SUGCT: variants seen among roughly 807,000 people sequenced by gnomAD.
SUGCT encodes succinyl-CoA:glutarate CoA-transferase.
Under a neutral mutation model 55.0 loss-of-function variants are expected in SUGCT, and 41 were observed. The observed-to-expected ratio is 0.74, with a 90% CI of 0.58 to 0.97. The LOEUF (loss-of-function observed/expected upper bound fraction) is 0.97, where lower values mean the gene tolerates loss of function less well. SUGCT is among the 50% of genes least tolerant of loss of function. The probability of loss-of-function intolerance (pLI) is 0.00; values close to 1 mark genes in which losing one functional copy is unlikely to be tolerated. For synonymous variants in SUGCT, 187 were observed against 200.4 expected, an observed-to-expected ratio of 0.93 and a Z score of 0.56; for missense variants, 568 against 547.8, an observed-to-expected ratio of 1.04 and a Z score of -0.37.
At chr7:41,002,090 G>A in the SUGCT span, among the ~76,000 whole-genome samples, 6 of 152,080 alleles carry the variant, frequency 3.9e-5, no homozygotes, top group African/African-American at 1.4e-4. Flanking sequence ...GTATAATCTC[G>A]GCTCACTATA....
At chr7:40,561,751 G>A (rs1443866426) in intron 12 of SUGCT, among the ~76,000 whole-genome samples, 3 of 146,402 alleles carry the variant, frequency 2.0e-5, no homozygotes, top group Non-Finnish European at 3.0e-5. Flanking sequence ...GAGTGCAGTG[G>A]TATGATCCCA....
At chr7:40,183,654 G>A (rs1298061409) in intron 3 of SUGCT, among the ~76,000 whole-genome samples, 1 of 152,130 alleles carries the variant, frequency 6.6e-6, no homozygotes. Flanking sequence ...CCCAATAAAA[G>A]AAACATTTCC....
intron 8 of SUGCT, among the ~76,000 whole-genome samples, chr7:40,278,692 T>C (rs1385854730): frequency 1.3e-5 from 2 of 152,102 alleles, no homozygotes; most frequent in Non-Finnish European, 2.9e-5. Context: ...TTCTCCTTTT[T>C]TTCTCTCTCA....
chr7:40,344,822 G>C (rs1236046823), intron 9 of SUGCT, among the ~76,000 whole-genome samples: 3 of 151,954 alleles, frequency 2.0e-5, no homozygotes, highest in Non-Finnish European at 4.4e-5. Flanking sequence ...ACACATACTA[G>C]CATTTGATTG....
At chr7:40,943,271 A>G in the SUGCT span, among the ~76,000 whole-genome samples, 1 of 146,746 alleles carries the variant, frequency 6.8e-6, no homozygotes, top group Non-Finnish European at 1.5e-5. Context: ...ACTTTATTTT[A>G]TTATTATTAT....
the SUGCT span, among the ~76,000 whole-genome samples, chr7:40,898,904 T>A: frequency 6.6e-6 from 1 of 152,146 alleles, no homozygotes; most frequent in South Asian, 2.1e-4. Context: ...CCTAGGTACA[T>A]GAAGAAGCTG....
chr7:40,421,454 C>G (rs1001626984), intron 9 of SUGCT, among the ~76,000 whole-genome samples: 1 of 152,130 alleles, frequency 6.6e-6, no homozygotes, highest in African/African-American at 2.4e-5. Flanking sequence ...TTATCATAAT[C>G]CAAGCTCAGC....
chr7:40,164,489 C>G (rs1450166412), intron 1 of SUGCT, among the ~76,000 whole-genome samples: 1 of 151,590 alleles, frequency 6.6e-6, no homozygotes, highest in Non-Finnish European at 1.5e-5. Context: ...ATTTTTTTTT[C>G]TGTTTTTGTT....
chr7:40,827,944 A>C (rs1792425883), intron 13 of SUGCT, among the ~76,000 whole-genome samples: 1 of 152,112 alleles, frequency 6.6e-6, no homozygotes, highest in Non-Finnish European at 1.5e-5. Context: ...CAGAGTCTTG[A>C]AAACCAATCC....
chr7:40,429,162 C>T (rs1787758620), intron 9 of SUGCT, among the ~76,000 whole-genome samples: 1 of 151,742 alleles, frequency 6.6e-6, no homozygotes. Context: ...CTAAAATCTA[C>T]ACATTTAGCA....
chr7:41,011,376 G>A, the SUGCT span, among the ~76,000 whole-genome samples: 1 of 152,208 alleles, frequency 6.6e-6, no homozygotes, highest in African/African-American at 2.4e-5. Context: ...AGGGAAGTGA[G>A]AAGGTGGACA....
intron 7 of SUGCT, among the ~76,000 whole-genome samples, chr7:40,242,077 C>T (rs1789437530): frequency 6.6e-6 from 1 of 152,064 alleles, no homozygotes; most frequent in Admixed American, 6.6e-5. Flanking sequence ...TTTTGAATTC[C>T]TACACTATGC....
intron 8 of SUGCT, among the ~76,000 whole-genome samples, chr7:40,301,258 C>T (rs1293051890): frequency 6.6e-6 from 1 of 152,122 alleles, no homozygotes; most frequent in African/African-American, 2.4e-5. Flanking sequence ...TAAGTATTTG[C>T]TGAATGAAAA....
chr7:40,689,337 G>A (rs368189019), intron 12 of SUGCT, among the ~76,000 whole-genome samples: 1 of 152,124 alleles, frequency 6.6e-6, no homozygotes, highest in Admixed American at 6.5e-5. Context: ...TATCACAAAG[G>A]CAATCTTTTT....
chr7:40,969,549 G>C, the SUGCT span, among the ~76,000 whole-genome samples: 2 of 152,002 alleles, frequency 1.3e-5, no homozygotes, highest in African/African-American at 4.8e-5. Context: ...ACTGACGGGG[G>C]TCCCACTGTG....
intron 11 of SUGCT, among the ~76,000 whole-genome samples, chr7:40,488,550 T>C (rs1412894515): frequency 6.6e-6 from 1 of 152,230 alleles, no homozygotes; most frequent in Non-Finnish European, 1.5e-5. Flanking sequence ...AATTTGATTG[T>C]GTACTTACTT....
intron 13 of SUGCT, among the ~76,000 whole-genome samples, chr7:40,775,063 GTTA>G (rs1190666195): frequency 6.6e-6 from 1 of 152,164 alleles, no homozygotes; most frequent in African/African-American, 2.4e-5. Context: ...CAACTGTGGT[GTTA>G]TTGGGGTTTC....
At chr7:40,549,342 C>G (rs1477006188) in intron 12 of SUGCT, among the ~76,000 whole-genome samples, 3 of 152,076 alleles carry the variant, frequency 2.0e-5, no homozygotes, top group African/African-American at 7.2e-5. Context: ...AAATAAAACT[C>G]TTTTGTAATG....
intron 7 of SUGCT, among the ~76,000 whole-genome samples, chr7:40,260,272 G>C (rs183030825): frequency 5.7e-4 from 87 of 152,188 alleles, no homozygotes; most frequent in Non-Finnish European, 9.4e-4. Context: ...TTCCTCTTTA[G>C]AATATTAGTG....
Sources: allele counts gnomAD v4.1 joint callset (sites outside exome capture counted in the v4.1 genomes callset), GRCh38; gene constraint gnomAD v4.1.1; transcripts MANE v1.5; gene names NCBI Gene and HGNC (gene_info 2026-07-23, HGNC 2026-07-21).